ATP2C1: variants seen among roughly 807,000 people sequenced by gnomAD.
ATP2C1 encodes ATPase secretory pathway Ca2+ transporting 1, also known as calcium-transporting ATPase type 2C member 1.
In ATP2C1, 31 loss-of-function variants were observed where a neutral mutation model predicts 120.5. That is an observed-to-expected ratio of 0.26 (90% CI 0.19 to 0.35). The LOEUF (loss-of-function observed/expected upper bound fraction) is 0.35. Ranked by LOEUF, ATP2C1 falls within the 10% of genes least tolerant of loss-of-function variation. The pLI, the probability that ATP2C1 is intolerant of heterozygous loss-of-function variation, is 1.00. For synonymous variants in ATP2C1, 351 were observed against 358.7 expected, an observed-to-expected ratio of 0.98 and a Z score of 0.24; for missense variants, 731 against 1,107.5, an observed-to-expected ratio of 0.66 and a Z score of 4.83.
chr3:130,947,783 C>T (rs1374734354), intron 8 of ATP2C1, among the ~76,000 whole-genome samples: 4 of 151,816 alleles, frequency 2.6e-5, no homozygotes, highest in Admixed American at 2.0e-4. Context: ...TTTTTTTCCA[C>T]GCCCCTCCAA....
At chr3:130,919,784 G>T (rs2058868464) in intron 2 of ATP2C1, among the ~76,000 whole-genome samples, 1 of 152,158 alleles carries the variant, frequency 6.6e-6, no homozygotes, top group South Asian at 2.1e-4. Flanking sequence ...TTTCCATAGT[G>T]GCTGCACCAT....
At chr3:131,008,304 G>T (rs990919942) in intron 26 of ATP2C1, among the ~76,000 whole-genome samples, 1 of 151,786 alleles carries the variant, frequency 6.6e-6, no homozygotes, top group African/African-American at 2.4e-5. Flanking sequence ...ATGCATCCCT[G>T]TAATCCCAGC....
intron 2 of ATP2C1, chr3:130,930,051 G>T: frequency 5.7e-6 from 2 of 351,664 alleles, no homozygotes; most frequent in Non-Finnish European, 1.1e-5. Context: ...ACTTTGTCTT[G>T]CATGTTAAAC....
rs150880920 is a variant in ATP2C1 at position 130,977,006 on chromosome 3, C to G, written c.1570+1518C>G. Among the ~76,000 whole-genome samples, 34 of 152,246 alleles carry G rather than the reference C, an allele frequency of 2.2e-4. No homozygotes were observed. The East Asian group carries it at 4.1e-3, about 18-fold the overall frequency. ...TGGCTCAGGGTAACACTTTTGTTCC[C>G]CTTACACTCCTCAACTTTCCACCTC... On this transcript the variant is annotated intron_variant, in intron 18 of 27. Transcript: ENST00000510168.
chr3:130,883,425 T>A (rs2068849181), intron 1 of ATP2C1, among the ~76,000 whole-genome samples: 1 of 152,102 alleles, frequency 6.6e-6, no homozygotes, highest in African/African-American at 2.4e-5. Flanking sequence ...TTTTTAAAGA[T>A]GTATCATTAG....
chr3:130,994,187 T>A (rs2062489259), intron 22 of ATP2C1, 89 bp downstream of exon 22: 2 of 1,493,260 alleles, frequency 1.3e-6, no homozygotes, highest in African/African-American at 2.8e-5. Flanking sequence ...TGGAAAAGAA[T>A]TAGTATTTAA....
intron 2 of ATP2C1, among the ~76,000 whole-genome samples, chr3:130,897,069 A>G (rs1292403919): frequency 6.6e-6 from 1 of 152,246 alleles, no homozygotes; most frequent in East Asian, 1.9e-4. Flanking sequence ...TAAATTGCCT[A>G]GCTGAATGTT....
rs1324796118 is a variant in ATP2C1, at chr3:131,015,476, T to A, written c.2630-676T>A. Among the ~76,000 whole-genome samples, 3 of 152,216 alleles carry A rather than the reference T, an allele frequency of 2.0e-5. No individual in the cohort carries two copies. The East Asian group carries it at 5.8e-4, about 29-fold the overall frequency. On this transcript the variant is annotated intron_variant, in intron 26 of 26. Transcript: ENST00000328560. ...TCACTTCTTTTTATCATACCCAGCTTAAACTCCACAGACAAACATTATAAT... is the reference window on the plus strand; with the variant it reads ...TCACTTCTTTTTATCATACCCAGCTAAAACTCCACAGACAAACATTATAAT...
downstream of ATP2C1, among the ~76,000 whole-genome samples, chr3:131,005,039 G>A (rs865871603): frequency 1.1e-4 from 17 of 151,540 alleles, no homozygotes; most frequent in African/African-American, 4.1e-4. Context: ...AATCAAGGAA[G>A]CTTAAGGAGT....
intron 20 of ATP2C1, among the ~76,000 whole-genome samples, chr3:130,984,313 A>G (rs1294881906): frequency 1.2e-4 from 19 of 152,136 alleles, no homozygotes; most frequent in Admixed American, 1.2e-3. Context: ...GCCCTTATCC[A>G]TGTACATCTG....
At chr3:130,934,591 GTGT>G in intron 4 of ATP2C1, 28 bp from the exon 5 acceptor site, 1 of 1,406,962 alleles carries the variant, frequency 7.1e-7, no homozygotes, top group Non-Finnish European at 1.0e-6. Flanking sequence ...GTACAAAACT[GTGT>G]TGAATTGCTG....
In ATP2C1 at chr3:130,980,187, G is replaced by A. The variant is rs146936256; in HGVS notation, c.1742-395G>A. 5.5e-4 allele frequency among the ~76,000 whole-genome samples: 84 copies of A among 152,150 alleles called. 1 individual carries two copies. The highest frequency in any genetic ancestry group is 1.9e-3 in the African/African-American group (80 of 41,538). ...TGATCTTCGTTACATTTCAGCTGCT[G>A]AGCAGAACCTGATTGGCCTAGTTTC... On this transcript the variant is annotated intron_variant, in intron 19 of 27. Coordinates refer to ENST00000510168, the MANE Select transcript of ATP2C1 (RefSeq NM_001378687.1).
intron 7 of ATP2C1, among the ~76,000 whole-genome samples, chr3:130,941,262 G>C (rs1040049471): frequency 2.8e-5 from 4 of 143,390 alleles, no homozygotes; most frequent in Middle Eastern, 3.5e-3. Context: ...GTGTGTGTGT[G>C]TGTCTGTGTG....
At chr3:130,887,578 A>G (rs1446417806) in intron 1 of ATP2C1, among the ~76,000 whole-genome samples, 1 of 152,034 alleles carries the variant, frequency 6.6e-6, no homozygotes, top group Non-Finnish European at 1.5e-5. Flanking sequence ...TCCCCTTTCC[A>G]CAGGCAGAGG....
chr3:130,882,032 A>T (rs184837183), intron 1 of ATP2C1, among the ~76,000 whole-genome samples: 1 of 152,198 alleles, frequency 6.6e-6, no homozygotes, highest in East Asian at 1.9e-4. Flanking sequence ...TACAATTTAG[A>T]TGTTAAAGAA....
intron 4 of ATP2C1, among the ~76,000 whole-genome samples, chr3:130,933,188 A>C (rs184075123): frequency 3.3e-5 from 5 of 152,302 alleles, no homozygotes; most frequent in Admixed American, 2.6e-4. Context: ...TGTGAGAATT[A>C]AATAGTGCCT....
chr3:130,968,635 T>C (rs2061156709), intron 16 of ATP2C1, among the ~76,000 whole-genome samples: 1 of 152,192 alleles, frequency 6.6e-6, no homozygotes, highest in Non-Finnish European at 1.5e-5. Flanking sequence ...TTATAGACGC[T>C]GTATGTGGTG....
Position 130,866,883 on chromosome 3 carries a change from G to A in ATP2C1, c.108+15955G>A, listed in dbSNP as rs143983676. ...GTAATTGTGTTTTTTATAAATTGAA[G>A]GTTTCTGGCAACCTTGCATTGAGGA... On this transcript the variant is annotated intron_variant, in intron 1 of 26. Coordinates refer to the ATP2C1 transcript ENST00000504381. Among the ~76,000 whole-genome samples the A allele has an allele frequency of 5.7e-3, 864 of 152,174 alleles. 8 individuals carry two copies. The highest frequency in any genetic ancestry group is 0.02 in the African/African-American group (813 of 41,504).
chr3:130,880,806 T>C (rs1251847023), intron 1 of ATP2C1, among the ~76,000 whole-genome samples: 1 of 152,220 alleles, frequency 6.6e-6, no homozygotes, highest in Non-Finnish European at 1.5e-5. Context: ...TGCAGGATCC[T>C]CATAAAGCCT....
Sources: gnomAD v4.1 joint callset for allele counts (sites outside exome capture counted in the v4.1 genomes callset) on GRCh38, gnomAD v4.1.1 for gene constraint, MANE v1.5 for transcripts, NCBI Gene and HGNC (gene_info 2026-07-23, HGNC 2026-07-21) for gene names.